The following PLXNA4 variants were observed in gnomAD, a reference collection of about 807,000 sequenced individuals.
PLXNA4 encodes plexin A4, also known as plexin-A4.
Under a neutral mutation model 191.8 loss-of-function variants are expected in PLXNA4, and 44 were observed. That is an observed-to-expected ratio of 0.23 (90% CI 0.18 to 0.29). The LOEUF is 0.29. PLXNA4 is among the 10% of genes least tolerant of loss of function. The pLI is 1.00. For synonymous variants in PLXNA4, 1,082 were observed against 1,009.5 expected, an observed-to-expected ratio of 1.07 and a Z score of -1.36; for missense variants, 1,800 against 2,488.8, an observed-to-expected ratio of 0.72 and a Z score of 5.89.
At chr7:132,228,535 G>A in intron 5 of PLXNA4, 66 bp from the exon 6 acceptor site, 4 of 1,592,330 alleles carry the variant, frequency 2.5e-6, no homozygotes, top group Non-Finnish European at 3.4e-6. Context: ...GGCGGATGCT[G>A]AGGTCAGGTG....
chr7:132,232,296 C>CT (rs1287551396), intron 5 of PLXNA4, among the ~76,000 whole-genome samples: 1 of 152,194 alleles, frequency 6.6e-6, no homozygotes, highest in Non-Finnish European at 1.5e-5. Context: ...AAGGAATCCC[C>CT]TGCTTCATCC....
At chr7:132,165,089 G>A in intron 23 of PLXNA4, 45 bp downstream of exon 23, 1 of 1,599,838 alleles carries the variant, frequency 6.3e-7, no homozygotes, top group Non-Finnish European at 8.5e-7. Context: ...AGGCTGCAGA[G>A]AATGAACGAG....
chr7:132,453,466 C>T (rs1247144290), intron 3 of PLXNA4, among the ~76,000 whole-genome samples: 3 of 152,062 alleles, frequency 2.0e-5, no homozygotes, highest in South Asian at 2.1e-4. Flanking sequence ...CAGGTGATCC[C>T]GATTAACCTT....
intron 3 of PLXNA4, among the ~76,000 whole-genome samples, chr7:132,451,865 G>A (rs571843112): frequency 6.6e-6 from 1 of 152,218 alleles, no homozygotes; most frequent in Non-Finnish European, 1.5e-5. Flanking sequence ...GGTAGGCAGG[G>A]CCCTCCTGGC....
chr7:132,519,809 T>G (rs1328374470), intron 1 of PLXNA4, among the ~76,000 whole-genome samples: 1 of 152,224 alleles, frequency 6.6e-6, no homozygotes. Context: ...AGGATACTAT[T>G]GGCATCAGGT....
At chr7:132,286,333 G>T (rs149117115) in intron 4 of PLXNA4, among the ~76,000 whole-genome samples, 120 of 152,300 alleles carry the variant, frequency 7.9e-4, no homozygotes, top group African/African-American at 2.9e-3. Flanking sequence ...TGTCCACCCT[G>T]TGGAGTCTCC....
intron 9 of PLXNA4, among the ~76,000 whole-genome samples, chr7:132,212,420 T>C (rs1278800482): frequency 6.6e-6 from 1 of 152,184 alleles, no homozygotes; most frequent in African/African-American, 2.4e-5. Flanking sequence ...CATTGCGAGT[T>C]ACACCATAAC....
At chr7:132,592,138 A>T (rs540127161) in intron 2 of PLXNA4, among the ~76,000 whole-genome samples, 1 of 152,300 alleles carries the variant, frequency 6.6e-6, no homozygotes, top group East Asian at 1.9e-4. Context: ...TTCTCTGTGC[A>T]ATTCATTTCT....
rs144085910 is a variant in PLXNA4, at chr7:132,360,467, C to A, written c.1372-62245G>T. ...AGGATCAGAGCAAAGGTGGTGCTCA[C>A]TAAAAATACAGATCAGATACTCAGT... is the stretch of plus-strand genomic sequence containing the variant. On this transcript the variant is annotated intron_variant, in intron 3 of 31. Coordinates refer to ENST00000321063, the MANE Select transcript of PLXNA4 (RefSeq NM_020911.2). Among the ~76,000 whole-genome samples, 304 of 152,294 alleles carry A rather than the reference C, an allele frequency of 2.0e-3. 5 individuals carry two copies. The highest frequency in any genetic ancestry group is 3.4e-3 in the Middle Eastern group (1 of 294).
At chr7:132,204,852 CAG>C (rs1040230779) in intron 10 of PLXNA4, among the ~76,000 whole-genome samples, 1 of 152,192 alleles carries the variant, frequency 6.6e-6, no homozygotes, top group Non-Finnish European at 1.5e-5. Flanking sequence ...CCCATGAGAA[CAG>C]ACTGTGACTT....
chr7:132,467,551 G>C (rs1273755408), intron 3 of PLXNA4, among the ~76,000 whole-genome samples: 1 of 152,226 alleles, frequency 6.6e-6, no homozygotes, highest in Non-Finnish European at 1.5e-5. Flanking sequence ...TCATGTCCCA[G>C]TGCATGTCCT....
intron 9 of PLXNA4, among the ~76,000 whole-genome samples, chr7:132,213,535 G>C (rs1302012688): frequency 6.6e-6 from 1 of 152,162 alleles, no homozygotes. Flanking sequence ...CACTTGGGGA[G>C]AGTCTTAGCA....
chr7:132,156,168 A>G (rs1193836645), intron 25 of PLXNA4, among the ~76,000 whole-genome samples: 1 of 151,560 alleles, frequency 6.6e-6, no homozygotes, highest in Non-Finnish European at 1.5e-5. Context: ...ACACACACAC[A>G]CACACACACA....
chr7:132,453,413 CTAT>C (rs1337826734), intron 3 of PLXNA4, among the ~76,000 whole-genome samples: 1 of 152,146 alleles, frequency 6.6e-6, no homozygotes, highest in African/African-American at 2.4e-5. Flanking sequence ...CACCCTAGCT[CTAT>C]TGACTCAGAA....
At chr7:132,571,330 A>G (rs765884843) in intron 1 of PLXNA4, among the ~76,000 whole-genome samples, 30 of 152,056 alleles carry the variant, frequency 2.0e-4, no homozygotes, top group Admixed American at 1.0e-3. Context: ...GCAAATGGGG[A>G]CCTATCAAAA....
chr7:132,317,053 T>C (rs1262924057), intron 3 of PLXNA4, among the ~76,000 whole-genome samples: 1 of 152,118 alleles, frequency 6.6e-6, no homozygotes, highest in Non-Finnish European at 1.5e-5. Flanking sequence ...ACTGGATTTA[T>C]TGGATTAGGT....
chr7:132,443,538 G>C (rs759617667), intron 3 of PLXNA4, among the ~76,000 whole-genome samples: 3 of 152,080 alleles, frequency 2.0e-5, no homozygotes, highest in African/African-American at 4.8e-5. Context: ...AGCTGCCACC[G>C]GGCCTGTTGT....
intron 3 of PLXNA4, among the ~76,000 whole-genome samples, chr7:132,373,576 T>C (rs1030770302): frequency 1.3e-5 from 2 of 152,216 alleles, no homozygotes; most frequent in Non-Finnish European, 2.9e-5. Context: ...ATCCCATCAA[T>C]GCTCTAAAGC....
intron 3 of PLXNA4, among the ~76,000 whole-genome samples, chr7:132,460,214 C>T (rs919816326): frequency 3.3e-4 from 50 of 152,070 alleles, no homozygotes; most frequent in Middle Eastern, 3.4e-3. Flanking sequence ...AAAACTTAGG[C>T]AGGCACAGTG....
Sources: allele counts gnomAD v4.1 joint callset (sites outside exome capture counted in the v4.1 genomes callset), GRCh38; gene constraint gnomAD v4.1.1; transcripts MANE v1.5; gene names NCBI Gene and HGNC (gene_info 2026-07-23, HGNC 2026-07-21).